Variants in GSAP observed in about 807,000 individuals in gnomAD.
The protein encoded by GSAP is gamma-secretase activating protein.
Under a neutral mutation model 131.7 loss-of-function variants are expected in GSAP, and 118 were observed. The observed-to-expected ratio is 0.90, with a 90% CI of 0.77 to 1.04. The LOEUF is 1.04. Ranked by LOEUF, GSAP falls within the 50% of genes least tolerant of loss-of-function variation. The pLI is 0.00. For synonymous variants in GSAP, 381 were observed against 363.4 expected, an observed-to-expected ratio of 1.05 and a Z score of -0.55; for missense variants, 1,019 against 1,013.2, an observed-to-expected ratio of 1.01 and a Z score of -0.08.
At chr7:77,326,350 G>A (rs1788329638) in intron 22 of GSAP, 77 bp from the exon 23 acceptor site, 6 of 986,476 alleles carry the variant, frequency 6.1e-6, no homozygotes, top group Non-Finnish European at 9.3e-6. Context: ...AATCAGCCTG[G>A]GTTTCCCTTC....
At chr7:77,389,618 A>C (rs557526781) in intron 5 of GSAP, among the ~76,000 whole-genome samples, 267 of 152,102 alleles carry the variant, frequency 1.8e-3, no homozygotes, top group Admixed American at 3.9e-3. Context: ...TGAACTCATC[A>C]TTTTTTATGG....
intron 19 of GSAP, among the ~76,000 whole-genome samples, chr7:77,346,426 A>T (rs911997374): frequency 1.3e-5 from 2 of 151,906 alleles, no homozygotes; most frequent in Non-Finnish European, 2.9e-5. Flanking sequence ...CCAGCAGGGC[A>T]TGGTGGCTCA....
At chr7:77,396,101 T>C (rs1479607084) in intron 5 of GSAP, among the ~76,000 whole-genome samples, 2 of 152,216 alleles carry the variant, frequency 1.3e-5, no homozygotes, top group East Asian at 3.9e-4. Flanking sequence ...CTGGACTTGC[T>C]AGTGACAACA....
intron 12 of GSAP, among the ~76,000 whole-genome samples, chr7:77,370,812 C>T (rs1796007030): frequency 6.6e-6 from 1 of 152,092 alleles, no homozygotes; most frequent in South Asian, 2.1e-4. Context: ...TCATAGTAAT[C>T]TTCATGCTAC....
chr7:77,344,694 C>T (rs1277839333), intron 19 of GSAP, among the ~76,000 whole-genome samples: 1 of 152,178 alleles, frequency 6.6e-6, no homozygotes, highest in African/African-American at 2.4e-5. Context: ...GATAGATGAT[C>T]TTTGCTGACG....
In GSAP at chr7:77,324,363, C is replaced by CA. The variant is rs532943565; in HGVS notation, c.1828-622dup. 1.4e-3 allele frequency among the ~76,000 whole-genome samples: 216 copies of CA among 152,280 alleles called. 2 individuals carry two copies. Among genetic ancestry groups the CA allele is most frequent in the African/African-American group, 5.0e-3 (206 of 41,566 alleles). On this transcript the variant is annotated intron_variant, in intron 23 of 30. Coordinates refer to ENST00000257626, the MANE Select transcript of GSAP (RefSeq NM_017439.4). ...CCACTTCCCCAACCATTAGCATTCC[C>CA]AGCCTTCCCCACCTTTTGCTTTTCT...
intron 12 of GSAP, among the ~76,000 whole-genome samples, chr7:77,364,649 G>A (rs988847374): frequency 7.2e-5 from 11 of 152,172 alleles, no homozygotes; most frequent in Non-Finnish European, 1.6e-4. Context: ...TTGTGCACAT[G>A]TACCCTAAAA....
At chr7:77,355,079 G>A (rs1186306641) in intron 16 of GSAP, 134 bp downstream of exon 16, 6 of 623,264 alleles carry the variant, frequency 9.6e-6, no homozygotes, top group Admixed American at 3.0e-5. Flanking sequence ...AAAAGATGAC[G>A]ATGTCAGCAG....
chr7:77,365,369 G>A (rs1257259330), intron 12 of GSAP, among the ~76,000 whole-genome samples: 2 of 151,892 alleles, frequency 1.3e-5, no homozygotes, highest in Non-Finnish European at 2.9e-5. Flanking sequence ...TACTTTTTCT[G>A]CTCCGCTCCC....
intron 6 of GSAP, among the ~76,000 whole-genome samples, chr7:77,384,872 C>T (rs1584648121): frequency 6.6e-6 from 1 of 152,176 alleles, no homozygotes; most frequent in East Asian, 1.9e-4. Flanking sequence ...GGATTTGCCA[C>T]TGGGGTTTAG....
intron 10 of GSAP, among the ~76,000 whole-genome samples, chr7:77,376,528 C>T (rs1039666231): frequency 1.3e-5 from 2 of 152,006 alleles, no homozygotes; most frequent in African/African-American, 4.8e-5. Flanking sequence ...GTAATCCCAG[C>T]CCTTTGGGAG....
intron 1 of GSAP, among the ~76,000 whole-genome samples, chr7:77,413,932 A>G (rs971758996): frequency 6.6e-6 from 1 of 152,128 alleles, no homozygotes; most frequent in Non-Finnish European, 1.5e-5. Flanking sequence ...TTTTTAACAA[A>G]TATCTTCTTT....
chr7:77,335,373 G>A (rs1322529588), intron 19 of GSAP, among the ~76,000 whole-genome samples: 2 of 152,166 alleles, frequency 1.3e-5, no homozygotes, highest in East Asian at 3.8e-4. Flanking sequence ...ATTCCAGCCT[G>A]GATGACAGAA....
intron 13 of GSAP, among the ~76,000 whole-genome samples, chr7:77,361,198 T>G (rs1363391278): frequency 6.6e-6 from 1 of 152,174 alleles, no homozygotes; most frequent in Non-Finnish European, 1.5e-5. Flanking sequence ...ATCCAAGAGA[T>G]AGAGATGACC....
chr7:77,370,209 G>C (rs377205807), intron 12 of GSAP, among the ~76,000 whole-genome samples: 19 of 152,260 alleles, frequency 1.2e-4, no homozygotes, highest in African/African-American at 4.3e-4. Flanking sequence ...TGTAATCCCA[G>C]CACTTTGGGA....
intron 28 of GSAP, among the ~76,000 whole-genome samples, chr7:77,312,816 T>C (rs1672031588): frequency 1.3e-5 from 2 of 152,162 alleles, no homozygotes; most frequent in South Asian, 4.1e-4. Context: ...GTGCAAGGCA[T>C]GTACACAGCA....
intron 16 of GSAP, among the ~76,000 whole-genome samples, chr7:77,354,657 TA>T (rs1793383425): frequency 6.7e-6 from 1 of 148,548 alleles, no homozygotes; most frequent in Non-Finnish European, 1.5e-5. Flanking sequence ...TGTTTCAGGT[TA>T]AAATAAAACG....
intron 19 of GSAP, among the ~76,000 whole-genome samples, chr7:77,340,873 C>T (rs1376175989): frequency 1.3e-5 from 2 of 152,072 alleles, no homozygotes; most frequent in Non-Finnish European, 2.9e-5. Context: ...ACCCCTTCTC[C>T]GTGTCTCTAC....
chr7:77,389,497 T>C (rs1189167744), intron 5 of GSAP, among the ~76,000 whole-genome samples: 1 of 141,324 alleles, frequency 7.1e-6, no homozygotes, highest in African/African-American at 2.6e-5. Context: ...TGTGTTCTCA[T>C]TGTTCGATTC....
Sources: gnomAD v4.1 joint callset for allele counts (sites outside exome capture counted in the v4.1 genomes callset) on GRCh38, gnomAD v4.1.1 for gene constraint, MANE v1.5 for transcripts, NCBI Gene and HGNC (gene_info 2026-07-23, HGNC 2026-07-21) for gene names.